The following CHST11 variants were observed in gnomAD, a reference collection of about 807,000 sequenced individuals.
CHST11 encodes the protein C4S-1.
CHST11 carries 9 observed loss-of-function variants against 30.4 expected under a neutral mutation model. That is an observed-to-expected ratio of 0.30 (90% confidence interval 0.18 to 0.52). CHST11 has a LOEUF of 0.52. CHST11 is among the 20% of genes least tolerant of loss of function. CHST11 has a pLI of 0.97. For synonymous variants in CHST11, 152 were observed against 187.8 expected, an observed-to-expected ratio of 0.81 and a Z score of 1.56; for missense variants, 348 against 460.6, an observed-to-expected ratio of 0.76 and a Z score of 2.24.
rs185360126 is a variant in CHST11 at position 104,560,834 on chromosome 12, T to C, written c.119-41072T>C. Among the ~76,000 whole-genome samples, 122 of 152,358 alleles carry C rather than the reference T, an allele frequency of 8.0e-4. 1 individual carries two copies. The highest frequency in any genetic ancestry group is 2.8e-3 in the African/African-American group (118 of 41,578). On this transcript the variant is annotated intron_variant, in intron 1 of 2. Transcript: ENST00000303694. ...TATGGGGGCTGCATTTCACGCATTC[T>C]GGGTCTCTTGGAATTAGCAGAATGC...
chr12:104,544,210 A>T (rs890660500), intron 1 of CHST11, among the ~76,000 whole-genome samples: 1 of 151,432 alleles, frequency 6.6e-6, no homozygotes, highest in Non-Finnish European at 1.5e-5. Context: ...TAACGCTCAT[A>T]CATAGAATTT....
chr12:104,671,555 C>T lies in CHST11; in HGVS notation c.204+69564C>T, dbSNP rs376804437. ...GTCTAGGAAGTCCTGTCGCTTCCCC[C>T]ACAGGTTTCGCAGCAAACGGGCCAG... On this transcript the variant is annotated intron_variant, in intron 2 of 2. Coordinates refer to ENST00000303694, the MANE Select transcript of CHST11 (RefSeq NM_018413.6). 9.9e-5 allele frequency among the ~76,000 whole-genome samples: 15 copies of T among 152,246 alleles called. No homozygotes were observed. In the East Asian group the frequency reaches 2.7e-3, roughly 27 times the overall value.
rs1249720307 is a variant in CHST11 at position 104,676,438 on chromosome 12, CAG to C, written c.204+74450_204+74451del. Reference sequence around the variant, plus strand: ...GTCACTGCCTCCTTTTCTTTTGAGACAGAGTCTCGCTCTGTCACCAGGCTGGA... The same window carrying C: ...GTCACTGCCTCCTTTTCTTTTGAGACAGTCTCGCTCTGTCACCAGGCTGGA... On this transcript the variant is annotated intron_variant, in intron 2 of 2. Transcript: ENST00000303694. This position sits in a 1 kb window ranked among gnomAD's most constrained non-coding sequence, Gnocchi z 4.4. Among the ~76,000 whole-genome samples the C allele has an allele frequency of 6.6e-6, 1 of 152,196 alleles. No individual in the cohort carries two copies.
At chr12:104,559,193 G>A (rs77679569) in intron 1 of CHST11, among the ~76,000 whole-genome samples, 2,261 of 152,254 alleles carry the variant, frequency 0.015, 109 homozygotes, top group East Asian at 0.14. Context: ...TCTAGGTATC[G>A]CCTCTCTAAG....
At chr12:104,474,231 A>G (rs889741734) in intron 1 of CHST11, among the ~76,000 whole-genome samples, 4 of 152,204 alleles carry the variant, frequency 2.6e-5, no homozygotes, top group Admixed American at 6.5e-5. Flanking sequence ...AGGTTTCATT[A>G]TATATAGGGT....
rs149813345 is a variant in CHST11, at chr12:104,676,508, G to C, written c.204+74517G>C. Among the ~76,000 whole-genome samples the C allele has an allele frequency of 6.6e-6, 1 of 152,286 alleles. No homozygotes were observed. The highest frequency in any genetic ancestry group is 1.9e-4 in the East Asian group (1 of 5,182). ...CGGCTCACTGCAACCTCCGCCTCCC[G>C]GGTTCAAGGGATTATTCTGCCCCAG... On this transcript the variant is annotated intron_variant, in intron 2 of 2. Transcript: ENST00000303694. This position sits in a 1 kb window ranked among gnomAD's most constrained non-coding sequence, Gnocchi z 4.4.
Position 104,703,215 on chromosome 12 carries a change from A to G in CHST11, c.205-53734A>G, listed in dbSNP as rs73191444. ...CCTAGAGTATGTGCTAGGTGAATGC[A>G]TTCATAATTCCTGTTCTTAGCATGA... On this transcript the variant is annotated intron_variant, in intron 2 of 2. Coordinates refer to ENST00000303694, the MANE Select transcript of CHST11 (RefSeq NM_018413.6). Among the ~76,000 whole-genome samples the G allele has an allele frequency of 3.9e-3, 587 of 152,322 alleles. 2 individuals are homozygous for G. Among genetic ancestry groups the G allele is most frequent in the Middle Eastern group, 0.017 (5 of 294 alleles).
At chr12:104,683,279 C>T (rs2136103553) in intron 2 of CHST11, among the ~76,000 whole-genome samples, 1 of 152,176 alleles carries the variant, frequency 6.6e-6, no homozygotes, top group Non-Finnish European at 1.5e-5. Flanking sequence ...TAGCTCCCCA[C>T]CCCAAAACAG....
At chr12:104,539,156 C>T (rs547371746) in intron 1 of CHST11, among the ~76,000 whole-genome samples, 24 of 152,300 alleles carry the variant, frequency 1.6e-4, no homozygotes, top group African/African-American at 5.8e-4. Flanking sequence ...AGCTTGATAA[C>T]GCGACTCTTC....
At chr12:104,725,144 T>C (rs1245953138) in intron 2 of CHST11, among the ~76,000 whole-genome samples, 1 of 152,198 alleles carries the variant, frequency 6.6e-6, no homozygotes, top group Non-Finnish European at 1.5e-5. Context: ...TCAATTTCCT[T>C]ATCTGCACAT....
Position 104,609,972 on chromosome 12 carries a change from T to G in CHST11, c.204+7981T>G, listed in dbSNP as rs535417970. 1.1e-4 allele frequency among the ~76,000 whole-genome samples: 16 copies of G among 152,218 alleles called. No individual in the cohort carries two copies. In the South Asian group the frequency reaches 3.3e-3, roughly 32 times the overall value. ...GTGAGTACTTCCTAACAATTTTGAT[T>G]TATTTGTTTCTAGCAGAGTCTGTAT... On this transcript the variant is annotated intron_variant, in intron 2 of 2. Coordinates refer to ENST00000303694, the MANE Select transcript of CHST11 (RefSeq NM_018413.6).
At chr12:104,558,271 T>C (rs1316406449) in intron 1 of CHST11, among the ~76,000 whole-genome samples, 6 of 152,224 alleles carry the variant, frequency 3.9e-5, no homozygotes, top group Middle Eastern at 3.4e-3. Flanking sequence ...TGACTTGAGG[T>C]AGATGAGACT....
rs115032833 is a variant in CHST11 at position 104,570,990 on chromosome 12, G to A, written c.119-30916G>A. Among the ~76,000 whole-genome samples the A allele has an allele frequency of 4.4e-3, 663 of 151,828 alleles. 5 individuals are homozygous for A. Among genetic ancestry groups the A allele is most frequent in the African/African-American group, 0.015 (631 of 41,428 alleles). Reference sequence around the variant, plus strand: ...ACAGGCGTGAGCCACCTCACCCAGCGCACTGTGCTTTTCCTGAATGATATC... The same window carrying A: ...ACAGGCGTGAGCCACCTCACCCAGCACACTGTGCTTTTCCTGAATGATATC... On this transcript the variant is annotated intron_variant, in intron 1 of 2. Coordinates refer to ENST00000303694, the MANE Select transcript of CHST11 (RefSeq NM_018413.6).
At chr12:104,604,710 C>T (rs1158001157) in intron 2 of CHST11, among the ~76,000 whole-genome samples, 1 of 152,202 alleles carries the variant, frequency 6.6e-6, no homozygotes, top group Admixed American at 6.5e-5. Flanking sequence ...ATGACAAACC[C>T]TCTAGTTGCT....
At chr12:104,639,835 A>G (rs2039358570) in intron 2 of CHST11, among the ~76,000 whole-genome samples, 1 of 152,144 alleles carries the variant, frequency 6.6e-6, no homozygotes, top group Admixed American at 6.5e-5. Flanking sequence ...CACATACCTA[A>G]AAAAAGACTC....
chr12:104,690,878 G>A (rs1263321283), intron 2 of CHST11, among the ~76,000 whole-genome samples: 2 of 152,134 alleles, frequency 1.3e-5, no homozygotes, highest in Non-Finnish European at 2.9e-5. Context: ...TAAAAACAGA[G>A]TGATCGGGGA....
intron 1 of CHST11, among the ~76,000 whole-genome samples, chr12:104,594,399 G>A (rs777555913): frequency 2.6e-5 from 4 of 152,114 alleles, no homozygotes; most frequent in South Asian, 2.1e-4. Context: ...TTTAAATCTC[G>A]GAGTGGATTA....
rs533866863 is a variant in CHST11, at chr12:104,473,309, G to C, written c.118+15780G>C. 2.0e-5 allele frequency among the ~76,000 whole-genome samples: 3 copies of C among 152,236 alleles called. No homozygotes were observed. The South Asian group carries it at 6.2e-4, about 32-fold the overall frequency. On this transcript the variant is annotated intron_variant, in intron 1 of 2. Coordinates refer to ENST00000303694, the MANE Select transcript of CHST11 (RefSeq NM_018413.6). ...AAACTCCTCTGTTTTGCATTGCTCG[G>C]GCCAAAATTATAGGCCATGGAGGTT...
At position 104,600,508 on chromosome 12, in the gene CHST11, C is replaced by T. The variant is rs967563770; in HGVS notation, c.119-1398C>T. On this transcript the variant is annotated intron_variant, in intron 1 of 2. Coordinates refer to ENST00000303694, the MANE Select transcript of CHST11 (RefSeq NM_018413.6). The surrounding 1 kb of genome is among the most constrained non-coding windows in gnomAD (Gnocchi z 4.1). ...GCCAGGCACAGTTTTAAGCATTCTG[C>T]ACATAGTAGTTACTCATTTAATCTT... 1.3e-5 allele frequency among the ~76,000 whole-genome samples: 2 copies of T among 152,216 alleles called. No homozygotes were observed. Among genetic ancestry groups the T allele is most frequent in the Non-Finnish European group, 2.9e-5 (2 of 68,048 alleles).
Sources: gnomAD v4.1 joint callset for allele counts (sites outside exome capture counted in the v4.1 genomes callset) on GRCh38, gnomAD v4.1.1 for gene constraint, Gnocchi (gnomAD v3.1) non-coding constraint, MANE v1.5 for transcripts, NCBI Gene and HGNC (gene_info 2026-07-23, HGNC 2026-07-21) for gene names.